The following SEMA3E variants were observed in gnomAD, a reference collection of about 807,000 sequenced individuals.
The protein encoded by SEMA3E is semaphorin 3E, also known as semaphorin-3E.
Under a neutral mutation model 93.6 loss-of-function variants are expected in SEMA3E, and 49 were observed. That is an observed-to-expected ratio of 0.52 (90% CI 0.42 to 0.66). SEMA3E has a LOEUF of 0.66. Ranked by LOEUF, SEMA3E falls within the 30% of genes least tolerant of loss-of-function variation. The pLI, the probability that SEMA3E is intolerant of heterozygous loss-of-function variation, is 0.00. For missense variants in SEMA3E, 906 were observed against 964.8 expected (o/e 0.94, Z 0.81); for synonymous variants, 363 against 330.7 (o/e 1.10, Z -1.06).
chr7:83,400,358 T>C lies in SEMA3E; in HGVS notation c.1144-108A>G, dbSNP rs944645813. ...AAATTGAAGTTGTCAAATTAGTCAA[T>C]TGTGCATTTAGAAATATTTAGTAAT... is the stretch of plus-strand genomic sequence containing the variant. On this transcript the variant is annotated intron_variant, in intron 10 of 16. Coordinates refer to ENST00000643230, the MANE Select transcript of SEMA3E (RefSeq NM_012431.3). 4 of 1,004,506 alleles carry C rather than the reference T, an allele frequency of 4.0e-6. No homozygotes were observed. In the African/African-American group the frequency reaches 6.4e-5, roughly 16 times the overall value. 62.2% of individuals were successfully genotyped at this position (1,004,506 alleles called of 1,614,324 possible).
chr7:83,640,642 T>TTA (rs1225991352), intron 1 of SEMA3E, among the ~76,000 whole-genome samples: 2 of 152,266 alleles, frequency 1.3e-5, no homozygotes, highest in Non-Finnish European at 1.5e-5. Flanking sequence ...AGGTTATGTT[T>TTA]TATATTTATT....
intron 1 of SEMA3E, among the ~76,000 whole-genome samples, chr7:83,647,835 A>C (rs1794098851): frequency 6.6e-6 from 1 of 152,180 alleles, no homozygotes; most frequent in Admixed American, 6.5e-5. Flanking sequence ...ACATGAAAAA[A>C]TTCTAATAAT....
rs375562499 is a variant in SEMA3E at position 83,430,449 on chromosome 7, TA to T, written c.457-11967del. On this transcript the variant is annotated intron_variant, in intron 4 of 16. Transcript: ENST00000643230. ...CACTGCACTCCAGCCTGGGTGACGTTAAAAAAAAAAGAAAAGCCCAGATGAA... is the reference window on the plus strand; with the variant it reads ...CACTGCACTCCAGCCTGGGTGACGTTAAAAAAAAAGAAAAGCCCAGATGAA... Among the ~76,000 whole-genome samples, 226 of 146,216 alleles carry T rather than the reference TA, an allele frequency of 1.5e-3. 1 individual carries two copies. The Middle Eastern group carries it at 0.035, about 23-fold the overall frequency.
At chr7:83,573,669 TAATATC>T (rs1792334100) in intron 1 of SEMA3E, among the ~76,000 whole-genome samples, 1 of 152,054 alleles carries the variant, frequency 6.6e-6, no homozygotes, top group Non-Finnish European at 1.5e-5. Flanking sequence ...TCAGATTACT[TAATATC>T]TATTGTGTAA....
At chr7:83,629,907 G>A (rs753516157) in intron 1 of SEMA3E, among the ~76,000 whole-genome samples, 1 of 152,150 alleles carries the variant, frequency 6.6e-6, no homozygotes, top group African/African-American at 2.4e-5. Context: ...GAAACCCAGG[G>A]CTCTGGTAGT....
intron 1 of SEMA3E, among the ~76,000 whole-genome samples, chr7:83,568,440 A>G (rs1792208654): frequency 1.3e-5 from 2 of 152,154 alleles, no homozygotes; most frequent in Non-Finnish European, 2.9e-5. Flanking sequence ...TCCGTAGGCC[A>G]ATATTCCTGA....
Position 83,437,758 on chromosome 7 carries a change from G to A in SEMA3E, c.457-19275C>T, listed in dbSNP as rs545057519. On this transcript the variant is annotated intron_variant, in intron 4 of 16. Coordinates refer to ENST00000643230, the MANE Select transcript of SEMA3E (RefSeq NM_012431.3). ...AAAGGAACAAGTGCTCCTTGGAGAA[G>A]TGGCTGACCTCAGACCTTGGTCCAT... 4.6e-5 allele frequency among the ~76,000 whole-genome samples: 7 copies of A among 152,306 alleles called. No individual in the cohort carries two copies. In the East Asian group the frequency reaches 1.2e-3, roughly 25 times the overall value.
chr7:83,646,370 AG>A (rs1794079799), intron 1 of SEMA3E, among the ~76,000 whole-genome samples: 1 of 152,066 alleles, frequency 6.6e-6, no homozygotes, highest in Non-Finnish European at 1.5e-5. Flanking sequence ...CTCCTCTGAC[AG>A]TATATATGCT....
rs191956192 is a variant in SEMA3E, at chr7:83,396,496, T to A, written c.1458+142A>T. 2.7e-5 allele frequency: 16 copies of A among 596,194 alleles called. No homozygotes were observed. The East Asian group carries it at 4.4e-4, about 16-fold the overall frequency. 36.9% of individuals were successfully genotyped at this position (596,194 alleles called of 1,614,324 possible). A position where few individuals can be genotyped will look rare whatever the true frequency, so the allele number is the denominator to read the frequency against. ...ACAATCAAACAGATGCATTAGAATT[T>A]GAAATAATTCTTCACTTATATTAGC... On this transcript the variant is annotated intron_variant, in intron 12 of 16. Transcript: ENST00000643230.
intron 1 of SEMA3E, among the ~76,000 whole-genome samples, chr7:83,633,139 T>C (rs1793819403): frequency 6.6e-6 from 1 of 152,204 alleles, no homozygotes; most frequent in Non-Finnish European, 1.5e-5. Context: ...GCTTTTCTAC[T>C]TAGCAATTAT....
chr7:83,454,911 A>G (rs150672744), intron 4 of SEMA3E, among the ~76,000 whole-genome samples: 5 of 152,350 alleles, frequency 3.3e-5, no homozygotes, highest in Non-Finnish European at 5.9e-5. Flanking sequence ...TTTCCAGTCT[A>G]TAACATTTAA....
In SEMA3E at chr7:83,490,176, C is replaced by G. The variant is rs371960755; in HGVS notation, c.214G>C (p.Val72Leu). 3.1e-6 allele frequency: 5 copies of G among 1,612,948 alleles called. No homozygotes were observed. The highest frequency in any genetic ancestry group is 1.7e-5 in the Admixed American group (1 of 59,812). ...GAATATACAAGGTCCCTGCCTCCCACGAAGAGCCTCTCTTGATATTCATCC... is the reference window on the plus strand; with the variant it reads ...GAATATACAAGGTCCCTGCCTCCCAGGAAGAGCCTCTCTTGATATTCATCC... Reference protein sequence around the residue: ...LLDEYQERLFVGGRDLVYSLS... With the variant: ...LLDEYQERLFLGGRDLVYSLS... Residue 72 changes from valine (V) to leucine (L), a missense_variant, in exon 2 of 17, where the codon GTG (valine) becomes CTG (leucine). Physicochemically the swap from Val to Leu is conservative, Grantham distance 32. Transcript: ENST00000643230.
chr7:83,500,458 C>A (rs1179644197), intron 1 of SEMA3E, among the ~76,000 whole-genome samples: 1 of 151,534 alleles, frequency 6.6e-6, no homozygotes, highest in Non-Finnish European at 1.5e-5. Flanking sequence ...AACAAAACAA[C>A]AAAAAAACTT....
intron 1 of SEMA3E, among the ~76,000 whole-genome samples, chr7:83,510,550 C>T (rs1790797321): frequency 6.6e-6 from 1 of 152,008 alleles, no homozygotes; most frequent in South Asian, 2.1e-4. Flanking sequence ...AACATTGAAC[C>T]ATGAAGAAAT....
At chr7:83,451,049 T>C (rs1037314457) in intron 4 of SEMA3E, among the ~76,000 whole-genome samples, 3 of 152,092 alleles carry the variant, frequency 2.0e-5, no homozygotes, top group Non-Finnish European at 2.9e-5. Context: ...CTGTTAGTGA[T>C]AGTAAGTTCT....
chr7:83,411,578 A>T (rs1459463212), intron 5 of SEMA3E, among the ~76,000 whole-genome samples: 1 of 152,080 alleles, frequency 6.6e-6, no homozygotes, highest in Non-Finnish European at 1.5e-5. Flanking sequence ...AAATAATAAT[A>T]TTAATAAAAC....
chr7:83,637,925 T>C (rs1000242043), intron 1 of SEMA3E, among the ~76,000 whole-genome samples: 1 of 152,074 alleles, frequency 6.6e-6, no homozygotes, highest in Non-Finnish European at 1.5e-5. Context: ...TTGTATTCTG[T>C]CCCTTGAAAA....
chr7:83,430,897 G>A lies in SEMA3E; in HGVS notation c.457-12414C>T, dbSNP rs146671754. Among the ~76,000 whole-genome samples the A allele has an allele frequency of 6.4e-4, 98 of 152,026 alleles. 2 individuals carry two copies. Among genetic ancestry groups the A allele is most frequent in the Non-Finnish European group, 2.1e-4 (14 of 67,988 alleles). ...ATCTTTGAAAATTAAAATGTTATACGAAACCAAAAGTTACTATGGCCAAGG... is the reference window on the plus strand; with the variant it reads ...ATCTTTGAAAATTAAAATGTTATACAAAACCAAAAGTTACTATGGCCAAGG... On this transcript the variant is annotated intron_variant, in intron 4 of 16. Transcript: ENST00000643230.
In SEMA3E at chr7:83,490,277, G is replaced by C; in HGVS notation, c.116-3C>G. 6.2e-7 allele frequency: 1 copy of C among 1,611,100 alleles called. No homozygotes were observed. On this transcript the variant is annotated splice_region_variant and splice_polypyrimidine_tract_variant and intron_variant, in intron 1 of 16. Coordinates refer to ENST00000643230, the MANE Select transcript of SEMA3E (RefSeq NM_012431.3). ...TGTTCTGTTCAGATTCAAGAGCTCT[G>C]AAATGCAAAGTGATACATACACTAA...
Sources: allele counts gnomAD v4.1 joint callset (sites outside exome capture counted in the v4.1 genomes callset), GRCh38; gene constraint gnomAD v4.1.1; transcripts MANE v1.5; gene names NCBI Gene and HGNC (gene_info 2026-07-23, HGNC 2026-07-21).